OR51B5: variants seen among roughly 807,000 people sequenced by gnomAD.
OR51B5 encodes olfactory receptor family 51 subfamily B member 5.
For synonymous variants in OR51B5, 186 were observed against 144.8 expected, an observed-to-expected ratio of 1.28 and a Z score of -2.04; for missense variants, 456 against 374.6, an observed-to-expected ratio of 1.22 and a Z score of -1.79.
chr11:5,393,748 A>G (rs1328436433), intron 1 of OR51B5, among the ~76,000 whole-genome samples: 1 of 152,122 alleles, frequency 6.6e-6, no homozygotes, highest in Non-Finnish European at 1.5e-5. Flanking sequence ...GTAGGGAGGT[A>G]TTATTATTTT....
intron 1 of OR51B5, among the ~76,000 whole-genome samples, chr11:5,356,444 T>G (rs1050749939): frequency 6.7e-6 from 1 of 149,418 alleles, no homozygotes; most frequent in African/African-American, 2.5e-5. Context: ...TAAAAAGAAA[T>G]GAACAAAGCC....
In OR51B5 at chr11:5,403,656, G is replaced by A. The variant is rs75021260; in HGVS notation, n.85-56746C>T. Reference sequence around the variant, plus strand: ...GATTGATATCACCTTAAAACATGGCGTCTAACAGGAAGTTCTCTATAGTCT... The same window carrying A: ...GATTGATATCACCTTAAAACATGGCATCTAACAGGAAGTTCTCTATAGTCT... On this transcript the variant is annotated intron_variant and non_coding_transcript_variant, in intron 1 of 4. Transcript: ENST00000415970. 3,561 of 379,184 alleles carry A rather than the reference G, an allele frequency of 9.4e-3. 115 individuals carry two copies. Among genetic ancestry groups the A allele is most frequent in the African/African-American group, 0.068 (3,262 of 47,640 alleles). The allele number at this position is 379,184 out of a possible 1,614,324, so 23.5% of individuals were successfully genotyped here.
chr11:5,387,981 T>C (rs1849726482), intron 1 of OR51B5, among the ~76,000 whole-genome samples: 1 of 152,188 alleles, frequency 6.6e-6, no homozygotes, highest in African/African-American at 2.4e-5. Flanking sequence ...GTAATTGCAG[T>C]TCTTGCCATT....
intron 1 of OR51B5, among the ~76,000 whole-genome samples, chr11:5,420,489 A>T (rs940189996): frequency 1.3e-5 from 2 of 151,912 alleles, no homozygotes; most frequent in African/African-American, 4.8e-5. Context: ...ATAAATATTG[A>T]TATATTTAAT....
intron 1 of OR51B5, among the ~76,000 whole-genome samples, chr11:5,492,239 C>T (rs575610469): frequency 6.6e-6 from 1 of 152,086 alleles, no homozygotes; most frequent in African/African-American, 2.4e-5. Context: ...AATAAACACA[C>T]ACACACACTC....
chr11:5,448,590 A>G (rs1442765377), intron 1 of OR51B5, among the ~76,000 whole-genome samples: 1 of 152,228 alleles, frequency 6.6e-6, no homozygotes, highest in African/African-American at 2.4e-5. Flanking sequence ...AACCAAGTGG[A>G]GAACAAGTAA....
At chr11:5,475,291 T>C (rs1851286841) in intron 1 of OR51B5, among the ~76,000 whole-genome samples, 1 of 152,222 alleles carries the variant, frequency 6.6e-6, no homozygotes, top group African/African-American at 2.4e-5. Flanking sequence ...CTGTGTAATA[T>C]GATCTTCATT....
chr11:5,356,200 C>G (rs1441589841), intron 1 of OR51B5, among the ~76,000 whole-genome samples: 1 of 152,054 alleles, frequency 6.6e-6, no homozygotes, highest in Non-Finnish European at 1.5e-5. Flanking sequence ...GAAGCTCGAA[C>G]CCATGGCAAA....
intron 1 of OR51B5, among the ~76,000 whole-genome samples, chr11:5,360,782 A>T (rs1849272089): frequency 6.7e-6 from 1 of 148,320 alleles, no homozygotes; most frequent in Non-Finnish European, 1.5e-5. Context: ...AAAACGTGGC[A>T]CATATACACC....
chr11:5,464,933 G>A (rs974094845), intron 1 of OR51B5, among the ~76,000 whole-genome samples: 10 of 152,136 alleles, frequency 6.6e-5, no homozygotes, highest in East Asian at 1.9e-4. Flanking sequence ...TTGGCTGGGC[G>A]CGGTGGCTCA....
At chr11:5,379,434 C>T (rs11601594) in intron 1 of OR51B5, among the ~76,000 whole-genome samples, 16,770 of 151,468 alleles carry the variant, frequency 0.11, 1,059 homozygotes, top group South Asian at 0.15. Flanking sequence ...ACATTATGCA[C>T]ATGTACCCTA....
intron 1 of OR51B5, chr11:5,489,766 G>A: frequency 2.5e-6 from 2 of 815,588 alleles, no homozygotes; most frequent in East Asian, 2.5e-5. Flanking sequence ...GTATGACATG[G>A]CAGGAAGCTC....
chr11:5,479,542 C>A (rs1358775482), intron 1 of OR51B5, among the ~76,000 whole-genome samples: 1 of 150,268 alleles, frequency 6.7e-6, no homozygotes, highest in Non-Finnish European at 1.5e-5. Flanking sequence ...GGACTAAATG[C>A]TCCAATTAAA....
At chr11:5,353,697 G>C (rs573480214) in intron 1 of OR51B5, among the ~76,000 whole-genome samples, 3 of 152,220 alleles carry the variant, frequency 2.0e-5, no homozygotes, top group Non-Finnish European at 4.4e-5. Context: ...TACAGGGTAT[G>C]ATGTGCTTGG....
intron 1 of OR51B5, among the ~76,000 whole-genome samples, chr11:5,397,563 G>T (rs1265385677): frequency 5.8e-5 from 8 of 137,024 alleles, no homozygotes; most frequent in Admixed American, 1.5e-4. Flanking sequence ...AGGTGCTGGA[G>T]AGGATGTGGA....
At chr11:5,479,523 A>T (rs1286341651) in intron 1 of OR51B5, among the ~76,000 whole-genome samples, 2 of 149,670 alleles carry the variant, frequency 1.3e-5, no homozygotes, top group Non-Finnish European at 3.0e-5. Context: ...ATTAACTTTA[A>T]ATGTAAATGG....
chr11:5,398,448 C>T (rs971497511), intron 1 of OR51B5, among the ~76,000 whole-genome samples: 1 of 152,082 alleles, frequency 6.6e-6, no homozygotes, highest in Non-Finnish European at 1.5e-5. Flanking sequence ...GGCAGCATTC[C>T]AGCCCCAGGA....
At chr11:5,415,059 A>C (rs61894083) in intron 1 of OR51B5, among the ~76,000 whole-genome samples, 1 of 151,996 alleles carries the variant, frequency 6.6e-6, no homozygotes, top group African/African-American at 2.4e-5. Context: ...AAAGAACAGA[A>C]ATTATAACAA....
intron 1 of OR51B5, among the ~76,000 whole-genome samples, chr11:5,379,795 G>A (rs932756318): frequency 6.6e-6 from 1 of 152,114 alleles, no homozygotes; most frequent in Non-Finnish European, 1.5e-5. Flanking sequence ...ATGGTGGACA[G>A]CTTGATACTT....
Sources: allele counts gnomAD v4.1 joint callset (sites outside exome capture counted in the v4.1 genomes callset), GRCh38; gene constraint gnomAD v4.1.1; transcripts MANE v1.5; gene names NCBI Gene and HGNC (gene_info 2026-07-23, HGNC 2026-07-21).